MRGPRX2: variants seen among roughly 807,000 people sequenced by gnomAD.
The protein encoded by MRGPRX2 is mas-related G protein-coupled receptor member X2.
For synonymous variants in MRGPRX2, 183 were observed against 175.6 expected (o/e 1.04, Z -0.33); for missense variants, 389 against 404.5 (o/e 0.96, Z 0.33).
Position 19,056,178 on chromosome 11 carries a change from G to C in MRGPRX2, c.225C>G (p.Asp75Glu), listed in dbSNP as rs1249704945. The change falls in exon 2 of 2, where the codon GAC becomes GAG. Residue 75 changes from aspartate to glutamate, a missense_variant. Transcript: ENST00000329773. ...TAATCTGGAAGCAGAGGAAGAGGAA[G>C]TCGGCCCCGGCCAGGCTGAGGACGT... The part of the protein sequence containing the change: ...SVYVLSLAGA[D>E]FLFLCFQIIN... 2 of 1,614,248 alleles carry C rather than the reference G, an allele frequency of 1.2e-6. No homozygotes were observed. The highest frequency in any genetic ancestry group is 1.7e-6 in the Non-Finnish European group (2 of 1,180,036).
Position 19,055,331 on chromosome 11 carries a change from G to A in MRGPRX2, c.*79C>T. ...CTGTTTTAAAATCAGGACTGAGAAA[G>A]TTCAGCAAATCAGACAGACAGGGGC... is the stretch of plus-strand genomic sequence containing the variant. On this transcript the variant is annotated 3_prime_UTR_variant, in exon 2 of 2. Coordinates refer to ENST00000329773, the MANE Select transcript of MRGPRX2 (RefSeq NM_054030.4). 1 of 1,447,432 alleles carries A rather than the reference G, an allele frequency of 6.9e-7. No individual in the cohort carries two copies. Among genetic ancestry groups the A allele is most frequent in the Non-Finnish European group, 9.4e-7 (1 of 1,067,162 alleles). 89.7% of individuals were successfully genotyped at this position (1,447,432 alleles called of 1,614,324 possible).
chr11:19,059,245 C>T (rs1849646087), intron 1 of MRGPRX2, among the ~76,000 whole-genome samples: 1 of 152,172 alleles, frequency 6.6e-6, no homozygotes, highest in African/African-American at 2.4e-5. Context: ...CTCCTGTACT[C>T]TTTCTTTTTT....
At position 19,056,120 on chromosome 11, in the gene MRGPRX2, A is replaced by G; in HGVS notation, c.283T>C (p.Cys95Arg). 1.2e-6 allele frequency: 2 copies of G among 1,614,242 alleles called. No homozygotes were observed. The highest frequency in any genetic ancestry group is 1.7e-6 in the Non-Finnish European group (2 of 1,180,034). ...NCLVYLSNFF[C>R]SISINFPSFF... is the part of the protein sequence containing the mutation. The stretch of plus-strand genomic sequence containing the variant: ...CTAGGGAAATTGATGGAGATGGAAC[A>G]GAAGAAGTTACTGAGGTACACCAGG... Residue 95 changes from cysteine to arginine, a missense_variant, in exon 2 of 2, where the codon TGT becomes CGT. By Grantham distance (180) the Cys-to-Arg change is radical. Transcript: ENST00000329773.
Position 19,057,457 on chromosome 11 carries a change from G to A in MRGPRX2, c.-25-1030C>T, listed in dbSNP as rs61885335. Among the ~76,000 whole-genome samples, 1,518 of 152,262 alleles carry A rather than the reference G, an allele frequency of 1.0e-2. 14 individuals are homozygous for A. The highest frequency in any genetic ancestry group is 0.016 in the Non-Finnish European group (1,115 of 68,024). ...GGAAAAGGGGGCAATTTGGGAAAAG[G>A]AGAGAGAGGCAGCAATTGAGAGTGT... On this transcript the variant is annotated intron_variant, in intron 1 of 1. Coordinates refer to ENST00000329773, the MANE Select transcript of MRGPRX2 (RefSeq NM_054030.4).
At position 19,056,213 on chromosome 11, in the gene MRGPRX2, A is replaced by C. The variant is rs1435263838; in HGVS notation, c.190T>G (p.Phe64Val). 3 of 1,614,010 alleles carry C rather than the reference A, an allele frequency of 1.9e-6. No individual in the cohort carries two copies. The highest frequency in any genetic ancestry group is 2.7e-5 in the African/African-American group (2 of 74,936). ...LLGFRMRRNA[F>V]SVYVLSLAGA... is the part of the protein sequence containing the mutation. ...GCCAGGCTGAGGACGTAGACAGAGA[A>C]GGCGTTCCTGCGCATGCGGAAGCCC... The change falls in exon 2 of 2, where the codon TTC (phenylalanine) becomes GTC (valine). Residue 64 changes from phenylalanine to valine, a missense_variant. By Grantham distance (50) the Phe-to-Val change is conservative. Coordinates refer to ENST00000329773, the MANE Select transcript of MRGPRX2 (RefSeq NM_054030.4).
Position 19,055,626 on chromosome 11 carries a change from A to G in MRGPRX2, c.777T>C (p.His259=), listed in dbSNP as rs750574950. The G allele has an allele frequency of 6.8e-6, 11 of 1,614,108 alleles. No individual in the cohort carries two copies. Among genetic ancestry groups the G allele is most frequent in the African/African-American group, 1.3e-5 (1 of 74,942 alleles). Residue 259 remains histidine, a synonymous_variant, in exon 2 of 2, where the codon CAT becomes CAC. Coordinates refer to ENST00000329773, the MANE Select transcript of MRGPRX2 (RefSeq NM_054030.4). ...IWKDSDVLFC[H]IHPVSVVLSS... ...ACAGGACAACTGAAACTGGATGAAT[A>G]TGACAAAATAAGACATCAGAATCCT...
In MRGPRX2 at chr11:19,055,780, C is replaced by G. The variant is rs138041143; in HGVS notation, c.623G>C (p.Arg208Thr). The G allele has an allele frequency of 5.6e-5, 90 of 1,614,042 alleles. No homozygotes were observed. The highest frequency in any genetic ancestry group is 5.8e-5 in the Non-Finnish European group (69 of 1,180,042). The part of the protein sequence containing the change: ...LCGSSLALLV[R>T]ILCGSRGLPL... ...CAGACCCCTGGAGCCACAGAGGATC[C>G]TGACCAGCAGGGCCAGACTGGACCC... is the stretch of plus-strand genomic sequence containing the variant. The change falls in exon 2 of 2, where the codon AGG (arginine) becomes ACG (threonine). Residue 208 changes from arginine to threonine, a missense_variant. Coordinates refer to ENST00000329773, the MANE Select transcript of MRGPRX2 (RefSeq NM_054030.4).
At chr11:19,058,208 C>T (rs1286096040) in intron 1 of MRGPRX2, among the ~76,000 whole-genome samples, 1 of 152,136 alleles carries the variant, frequency 6.6e-6, no homozygotes, top group Non-Finnish European at 1.5e-5. Context: ...CTGCAGAAAA[C>T]TCTCATGGGT....
At chr11:19,059,002 C>T (rs1249430125) in intron 1 of MRGPRX2, among the ~76,000 whole-genome samples, 1 of 152,186 alleles carries the variant, frequency 6.6e-6, no homozygotes, top group Non-Finnish European at 1.5e-5. Flanking sequence ...ACATCATTCA[C>T]TATTTGTGAG....
At position 19,056,412 on chromosome 11, in the gene MRGPRX2, A is replaced by C. The variant is rs1590039383; in HGVS notation, c.-10T>G. The C allele has an allele frequency of 6.3e-7, 1 of 1,596,190 alleles. No homozygotes were observed. Among genetic ancestry groups the C allele is most frequent in the Non-Finnish European group, 8.6e-7 (1 of 1,167,836 alleles). ...GGGTGGTTGGATCCATGCTCAGAAA[A>C]CCTCCACTGGTGCCCCTGGAAACAA... is the stretch of plus-strand genomic sequence containing the variant. On this transcript the variant is annotated 5_prime_UTR_variant, in exon 2 of 2. Coordinates refer to ENST00000329773, the MANE Select transcript of MRGPRX2 (RefSeq NM_054030.4).
Position 19,056,218 on chromosome 11 carries a change from T to C in MRGPRX2, c.185A>G (p.Asn62Ser), listed in dbSNP as rs10833049. 435,617 of 1,614,002 alleles carry C rather than the reference T, an allele frequency of 0.27. 61,163 individuals are homozygous for C. Among genetic ancestry groups the C allele is most frequent in the African/African-American group, 0.48 (36,347 of 74,970 alleles). ...LWLLGFRMRRNAFSVYVLSLA... is the reference protein window; with the variant it reads ...LWLLGFRMRRSAFSVYVLSLA... ...GCTGAGGACGTAGACAGAGAAGGCG[T>C]TCCTGCGCATGCGGAAGCCCAGGAG... Residue 62 changes from asparagine to serine, a missense_variant, in exon 2 of 2, where the codon AAC becomes AGC. Coordinates refer to ENST00000329773, the MANE Select transcript of MRGPRX2 (RefSeq NM_054030.4).
chr11:19,056,551 G>T, intron 1 of MRGPRX2, 124 bp from the exon 2 acceptor site: 2 of 981,386 alleles, frequency 2.0e-6, no homozygotes, highest in Non-Finnish European at 3.0e-6. Flanking sequence ...AAGAGATTAA[G>T]TCATTTATTA....
chr11:19,059,506 C>T (rs1476333496), intron 1 of MRGPRX2, among the ~76,000 whole-genome samples: 1 of 152,114 alleles, frequency 6.6e-6, no homozygotes, highest in Non-Finnish European at 1.5e-5. Flanking sequence ...TACCTATGTA[C>T]TCCCAATCCC....
At chr11:19,058,298 A>G (rs1328701731) in intron 1 of MRGPRX2, among the ~76,000 whole-genome samples, 1 of 152,198 alleles carries the variant, frequency 6.6e-6, no homozygotes, top group African/African-American at 2.4e-5. Context: ...CATCCATCAC[A>G]TGCTGTCTTA....
At position 19,055,745 on chromosome 11, in the gene MRGPRX2, T is replaced by C; in HGVS notation, c.658A>G (p.Arg220Gly). 6.2e-7 allele frequency: 1 copy of C among 1,614,172 alleles called. No individual in the cohort carries two copies. Among genetic ancestry groups the C allele is most frequent in the East Asian group, 2.2e-5 (1 of 44,886 alleles). ...GTGAGCAGGATGGTCAGGTACAGCC[T>C]GGTCAGTGGCAGACCCCTGGAGCCA... The part of the protein sequence containing the change: ...LCGSRGLPLT[R>G]LYLTILLTVL... Residue 220 changes from arginine (R) to glycine (G), a missense_variant, in exon 2 of 2, where the codon AGG (arginine) becomes GGG (glycine). Physicochemically the swap from Arg to Gly is moderately radical, Grantham distance 125. Transcript: ENST00000329773.
Position 19,056,055 on chromosome 11 carries a change from G to A in MRGPRX2, c.348C>T (p.Gly116=), listed in dbSNP as rs558824399. 3.7e-6 allele frequency: 6 copies of A among 1,614,222 alleles called. No homozygotes were observed. The highest frequency in any genetic ancestry group is 5.1e-6 in the Non-Finnish European group (6 of 1,180,052). ...TGCTGACGGTGCTCAGCATGCTCAG[G>A]CCTGCAAGGTAGGCACAGGTCATCA... ...TTVMTCAYLA[G]LSMLSTVSTE... is the part of the protein sequence containing the mutation. The change falls in exon 2 of 2, where the codon GGC becomes GGT. Residue 116 remains glycine (G), a synonymous_variant. Coordinates refer to ENST00000329773, the MANE Select transcript of MRGPRX2 (RefSeq NM_054030.4).
rs754271879 is a variant in MRGPRX2, at chr11:19,056,011, A to T, written c.392T>A (p.Val131Asp). The change falls in exon 2 of 2, where the codon GTC (valine) becomes GAC (aspartate). Residue 131 changes from valine (V) to aspartate (D), a missense_variant. By Grantham distance (152) the Val-to-Asp change is radical. Transcript: ENST00000329773. ...GCAGCGATACCAGATGGGCCACAGG[A>T]CGGACAGGCAGCGCTCGGTGCTGAC... Reference protein sequence around the residue: ...STVSTERCLSVLWPIWYRCRR... With the variant: ...STVSTERCLSDLWPIWYRCRR... 1.2e-6 allele frequency: 2 copies of T among 1,614,084 alleles called. No individual in the cohort carries two copies. Among genetic ancestry groups the T allele is most frequent in the African/African-American group, 2.7e-5 (2 of 74,920 alleles).
chr11:19,055,679 G>A lies in MRGPRX2; in HGVS notation c.724C>T (p.Gln242Ter). The change falls in exon 2 of 2, where the codon CAG becomes TAG. Residue 242 changes from glutamine to a stop codon, truncating the protein, a stop_gained. Coordinates refer to ENST00000329773, the MANE Select transcript of MRGPRX2 (RefSeq NM_054030.4). LOFTEE classifies it low-confidence loss of function (END_TRUNC). ...FLLCGLPFGIQWFLILWIWKD... is the reference protein window; with the variant it reads ...FLLCGLPFGI ...CAGATCCATAATATTAGGAACCACT[G>A]AATGCCAAAGGGCAGGCCGCAGAGG... is the stretch of plus-strand genomic sequence containing the variant. 1.2e-6 allele frequency: 2 copies of A among 1,614,218 alleles called. No homozygotes were observed. The highest frequency in any genetic ancestry group is 1.7e-5 in the Admixed American group (1 of 60,034).
rs139285402 is a variant in MRGPRX2 at position 19,055,443 on chromosome 11, G to A, written c.960C>T (p.Gly320=). ...GACTGCTTCTCGACATCTCCGGGGTGCCCTGACGGAAGCATCCTTCACTGT... is the reference window on the plus strand; with the variant it reads ...GACTGCTTCTCGACATCTCCGGGGTACCCTGACGGAAGCATCCTTCACTGT... The part of the protein sequence containing the change: ...VDHSEGCFRQ[G]TPEMSRSSLV The change falls in exon 2 of 2, where the codon GGC becomes GGT. Residue 320 remains glycine (G), a synonymous_variant. Transcript: ENST00000329773. The A allele has an allele frequency of 2.5e-6, 4 of 1,610,304 alleles. No homozygotes were observed. The African/African-American group carries it at 5.3e-5, about 22-fold the overall frequency.
Sources: gnomAD v4.1 joint callset for allele counts (sites outside exome capture counted in the v4.1 genomes callset) on GRCh38, gnomAD v4.1.1 for gene constraint, MANE v1.5 for transcripts, NCBI Gene and HGNC (gene_info 2026-07-23, HGNC 2026-07-21) for gene names.